The following DAAM1 variants were observed in gnomAD, a reference collection of about 807,000 sequenced individuals.
DAAM1 encodes the protein disheveled-associated activator of morphogenesis 1.
A neutral mutation model predicts 130.0 loss-of-function variants in DAAM1; 52 were observed. That is an observed-to-expected ratio of 0.40 (90% CI 0.32 to 0.50). The LOEUF is 0.50. DAAM1 is among the 20% of genes least tolerant of loss of function. The pLI is 0.61. For synonymous variants in DAAM1, 452 were observed against 444.5 expected (o/e 1.02, Z -0.21); for missense variants, 1,134 against 1,303.8 (o/e 0.87, Z 2.01).
At chr14:59,303,695 G>A (rs1884267991) in intron 3 of DAAM1, among the ~76,000 whole-genome samples, 1 of 152,044 alleles carries the variant, frequency 6.6e-6, no homozygotes, top group African/African-American at 2.4e-5. Context: ...TCAGGAGTTC[G>A]AAACCAGCCT....
At chr14:59,358,810 T>A (rs1002967693) in intron 20 of DAAM1, among the ~76,000 whole-genome samples, 2 of 147,652 alleles carry the variant, frequency 1.4e-5, no homozygotes, top group Non-Finnish European at 3.0e-5. Context: ...ACCACTGCAC[T>A]CCAGCCTGGG....
chr14:59,255,857 A>G (rs144128359), intron 1 of DAAM1, among the ~76,000 whole-genome samples: 89 of 152,328 alleles, frequency 5.8e-4, no homozygotes, highest in African/African-American at 1.4e-3. Context: ...GATTCATATA[A>G]TAGAAGTGGG....
At chr14:59,354,197 A>C (rs1053869918) in intron 19 of DAAM1, among the ~76,000 whole-genome samples, 1 of 151,780 alleles carries the variant, frequency 6.6e-6, no homozygotes, top group Non-Finnish European at 1.5e-5. Context: ...AGTAGCTGGG[A>C]CTACAGGTGC....
intron 2 of DAAM1, among the ~76,000 whole-genome samples, chr14:59,278,037 A>G (rs1404318597): frequency 6.6e-6 from 1 of 152,178 alleles, no homozygotes; most frequent in South Asian, 2.1e-4. Context: ...ATAGTAAGGG[A>G]TTCACAACAA....
intron 1 of DAAM1, among the ~76,000 whole-genome samples, chr14:59,208,011 A>G (rs1888316648): frequency 6.6e-6 from 1 of 152,220 alleles, no homozygotes; most frequent in Admixed American, 6.5e-5. Flanking sequence ...AAAAGTACAT[A>G]GAAATAGATA....
intron 1 of DAAM1, among the ~76,000 whole-genome samples, chr14:59,216,554 C>T (rs934492311): frequency 6.6e-6 from 1 of 152,140 alleles, no homozygotes; most frequent in Non-Finnish European, 1.5e-5. Flanking sequence ...AAGCTCTTCT[C>T]TACTAAAAGT....
At chr14:59,331,979 T>C in intron 15 of DAAM1, 59 bp downstream of exon 15, 2 of 1,438,576 alleles carry the variant, frequency 1.4e-6, no homozygotes, top group South Asian at 1.2e-5. Context: ...TTATGCATGA[T>C]CTCTGGCCCA....
intron 4 of DAAM1, among the ~76,000 whole-genome samples, chr14:59,316,951 A>G (rs1017059949): frequency 6.6e-6 from 1 of 152,172 alleles, no homozygotes; most frequent in African/African-American, 2.4e-5. Flanking sequence ...TAGTGACTTA[A>G]TCCCTGCCTT....
chr14:59,285,507 C>T (rs1883405283), intron 2 of DAAM1, among the ~76,000 whole-genome samples: 1 of 152,116 alleles, frequency 6.6e-6, no homozygotes, highest in South Asian at 2.1e-4. Flanking sequence ...GATAAAGAAG[C>T]AAGACCCACT....
intron 3 of DAAM1, among the ~76,000 whole-genome samples, chr14:59,294,813 G>A (rs1328012915): frequency 1.3e-5 from 2 of 152,142 alleles, no homozygotes; most frequent in Admixed American, 6.5e-5. Context: ...CCACAAAAAG[G>A]CGTCTGGCCA....
rs1888268469 is a variant in DAAM1 at position 59,206,545 on chromosome 14, G to T, written c.-38+17777G>T. Among the ~76,000 whole-genome samples the T allele has an allele frequency of 2.0e-5, 3 of 152,202 alleles. No homozygotes were observed. In the South Asian group the frequency reaches 6.2e-4, roughly 31 times the overall value. On this transcript the variant is annotated intron_variant, in intron 1 of 24. Transcript: ENST00000360909. The stretch of plus-strand genomic sequence containing the variant: ...CTGCTGCGGCCTCCCAAAGTGCTGG[G>T]ATTACTGGCGTAAGCCACTGAGCCC...
chr14:59,367,227 G>A (rs1886953598), intron 23 of DAAM1, among the ~76,000 whole-genome samples: 1 of 151,976 alleles, frequency 6.6e-6, no homozygotes, highest in South Asian at 2.1e-4. Context: ...GACAGAGGTT[G>A]CAGTGAGCTG....
At chr14:59,344,077 C>G (rs1350833094) in intron 16 of DAAM1, among the ~76,000 whole-genome samples, 1 of 152,150 alleles carries the variant, frequency 6.6e-6, no homozygotes, top group Non-Finnish European at 1.5e-5. Flanking sequence ...GAGACAGAAA[C>G]TTGGAAGCAG....
At chr14:59,236,602 C>A (rs1218346636) in intron 1 of DAAM1, among the ~76,000 whole-genome samples, 1 of 152,100 alleles carries the variant, frequency 6.6e-6, no homozygotes, top group South Asian at 2.1e-4. Flanking sequence ...AAGAATCACT[C>A]TTCCTTTAGC....
intron 2 of DAAM1, among the ~76,000 whole-genome samples, chr14:59,277,373 A>G (rs1883017166): frequency 6.6e-6 from 1 of 152,070 alleles, no homozygotes; most frequent in African/African-American, 2.4e-5. Context: ...CTTTGTACAG[A>G]ATCTCTTAGA....
chr14:59,353,845 A>C (rs776922970), intron 18 of DAAM1, 31 bp from the exon 19 acceptor site: 7 of 1,602,474 alleles, frequency 4.4e-6, no homozygotes, highest in African/African-American at 2.7e-5. Context: ...ATATTAAATG[A>C]ATATCAATTA....
At chr14:59,194,040 G>T (rs1887812759) in intron 1 of DAAM1, among the ~76,000 whole-genome samples, 1 of 150,674 alleles carries the variant, frequency 6.6e-6, no homozygotes, top group Non-Finnish European at 1.5e-5. Flanking sequence ...CTGAGGCACA[G>T]AGAAGTTAAA....
At chr14:59,221,502 C>A (rs1053893726) in intron 1 of DAAM1, among the ~76,000 whole-genome samples, 3 of 152,142 alleles carry the variant, frequency 2.0e-5, no homozygotes, top group African/African-American at 7.2e-5. Flanking sequence ...TTTATCTGGT[C>A]GGGTGGCTTA....
At chr14:59,325,177 C>T (rs1885447) in intron 8 of DAAM1, among the ~76,000 whole-genome samples, 34,664 of 152,074 alleles carry the variant, frequency 0.23, 4,148 homozygotes, top group East Asian at 0.33. Flanking sequence ...ACCTCATCTG[C>T]CATCATTTTC....
Sources: allele counts gnomAD v4.1 joint callset (sites outside exome capture counted in the v4.1 genomes callset), GRCh38; gene constraint gnomAD v4.1.1; transcripts MANE v1.5; gene names NCBI Gene and HGNC (gene_info 2026-07-23, HGNC 2026-07-21).